Variants in ZFAT observed in about 807,000 individuals in gnomAD.
ZFAT encodes zinc finger protein ZFAT.
ZFAT carries 64 observed loss-of-function variants against 117.7 expected under a neutral mutation model. That is an observed-to-expected ratio of 0.54 (90% CI 0.44 to 0.67). ZFAT has a LOEUF of 0.67. Ranked by LOEUF, ZFAT falls within the 30% of genes least tolerant of loss-of-function variation. The probability of loss-of-function intolerance (pLI) is 0.00; values close to 1 mark genes in which losing one functional copy is unlikely to be tolerated. For synonymous variants in ZFAT, 679 were observed against 615.0 expected (o/e 1.10, Z -1.54); for missense variants, 1,433 against 1,584.5 (o/e 0.90, Z 1.62).
intron 3 of ZFAT, among the ~76,000 whole-genome samples, chr8:134,631,417 C>T (rs750875414): frequency 6.6e-6 from 1 of 152,146 alleles, no homozygotes; most frequent in Non-Finnish European, 1.5e-5. Context: ...AAACTGGTAA[C>T]GGGGCAGGAG....
At chr8:134,616,868 A>G (rs1726959314) in intron 3 of ZFAT, among the ~76,000 whole-genome samples, 1 of 152,206 alleles carries the variant, frequency 6.6e-6, no homozygotes, top group Non-Finnish European at 1.5e-5. Flanking sequence ...TGGACAATTG[A>G]TGAATCTCCC....
At chr8:134,796,437 T>C in the ZFAT span, 1 of 152,232 alleles carries the variant, frequency 6.6e-6, no homozygotes, top group Non-Finnish European at 1.5e-5. Context: ...GAACTGCTGG[T>C]TGTTGGTGGA....
At chr8:134,798,562 A>G in the ZFAT span, among the ~76,000 whole-genome samples, 3 of 152,120 alleles carry the variant, frequency 2.0e-5, no homozygotes, top group Non-Finnish European at 4.4e-5. Flanking sequence ...GCATTAATTC[A>G]AACAAGAAAA....
chr8:134,523,011 G>A (rs866654047), intron 12 of ZFAT, among the ~76,000 whole-genome samples: 3 of 152,010 alleles, frequency 2.0e-5, no homozygotes, highest in Non-Finnish European at 4.4e-5. Flanking sequence ...GTTCCCCTCC[G>A]CCTTCCAAGA....
chr8:134,686,804 C>A (rs985872745), intron 1 of ZFAT, among the ~76,000 whole-genome samples: 1 of 152,198 alleles, frequency 6.6e-6, no homozygotes, highest in African/African-American at 2.4e-5. Context: ...TTGTCAGAAG[C>A]CCAGGCCTCC....
At chr8:134,618,006 G>T (rs558892748) in intron 3 of ZFAT, among the ~76,000 whole-genome samples, 2 of 152,036 alleles carry the variant, frequency 1.3e-5, no homozygotes, top group African/African-American at 4.8e-5. Context: ...GTTCATCAGG[G>T]GTTTCCGCTT....
chr8:134,484,419 T>C (rs1193359235), intron 15 of ZFAT, among the ~76,000 whole-genome samples: 1 of 152,254 alleles, frequency 6.6e-6, no homozygotes, highest in Admixed American at 6.5e-5. Context: ...GGCCAGCTGC[T>C]GCCTGCCCTT....
chr8:134,637,597 A>G lies in ZFAT; in HGVS notation c.312T>C (p.Ala104=), dbSNP rs1292411591. The change falls in exon 3 of 16, where the codon GCT becomes GCC. Residue 104 remains alanine (A), a synonymous_variant. Coordinates refer to ENST00000377838, the MANE Select transcript of ZFAT (RefSeq NM_020863.4). Reference sequence around the variant, plus strand: ...GAGGCAGGCTGTTCCCTTCCTCCGGAGCCAGCGGGCTGTCCTCAGTCGGAC... The same window carrying G: ...GAGGCAGGCTGTTCCCTTCCTCCGGGGCCAGCGGGCTGTCCTCAGTCGGAC... ...IVSPTEDSPL[A]PEEGNSLPPS... is the part of the protein sequence containing the mutation. 1.2e-6 allele frequency: 2 copies of G among 1,614,208 alleles called. No individual in the cohort carries two copies. The highest frequency in any genetic ancestry group is 1.7e-6 in the Non-Finnish European group (2 of 1,180,048).
At chr8:134,523,598 A>G (rs184105897) in intron 12 of ZFAT, among the ~76,000 whole-genome samples, 2 of 152,338 alleles carry the variant, frequency 1.3e-5, no homozygotes, top group African/African-American at 4.8e-5. Context: ...TCTCAGAGGT[A>G]TAAACCCTTC....
At chr8:134,605,628 T>C (rs1312074702) in intron 5 of ZFAT, among the ~76,000 whole-genome samples, 2 of 151,962 alleles carry the variant, frequency 1.3e-5, no homozygotes, top group African/African-American at 2.4e-5. Flanking sequence ...ATTCCACTTA[T>C]GGGAATTTAT....
At chr8:134,556,031 A>AGAAG (rs767538738) in intron 11 of ZFAT, among the ~76,000 whole-genome samples, 9,867 of 60,270 alleles carry the variant, frequency 0.16, 1,270 homozygotes, top group Non-Finnish European at 0.2. Context: ...AGGGAGGGAG[A>AGAAG]GAAGGAAGGA....
At chr8:134,508,565 A>G (rs1479093421) in intron 15 of ZFAT, among the ~76,000 whole-genome samples, 5 of 151,988 alleles carry the variant, frequency 3.3e-5, no homozygotes, top group African/African-American at 4.8e-5. Flanking sequence ...CCCTTTACAA[A>G]ATCACCCCAA....
the ZFAT span, among the ~76,000 whole-genome samples, chr8:134,798,881 T>C: frequency 6.6e-6 from 1 of 152,086 alleles, no homozygotes; most frequent in Non-Finnish European, 1.5e-5. Context: ...CAAAAACAAA[T>C]TGATGGGCAA....
At chr8:134,714,467 A>C (rs1814171377), upstream of ZFAT, among the ~76,000 whole-genome samples, 1 of 152,014 alleles carries the variant, frequency 6.6e-6, no homozygotes, top group South Asian at 2.1e-4. Context: ...TTCTGGGGTC[A>C]CTTATTTTTT....
At chr8:134,742,220 T>A in the ZFAT span, among the ~76,000 whole-genome samples, 16 of 151,986 alleles carry the variant, frequency 1.1e-4, no homozygotes, top group African/African-American at 3.9e-4. Context: ...AACATGCAGG[T>A]TTGTTACTTA....
At chr8:134,706,409 G>A (rs1414444735) in intron 1 of ZFAT, among the ~76,000 whole-genome samples, 2 of 152,080 alleles carry the variant, frequency 1.3e-5, no homozygotes, top group Non-Finnish European at 2.9e-5. Context: ...TAGTGGTTGC[G>A]GCCGGGAGTG....
chr8:134,509,719 A>G lies in ZFAT; in HGVS notation c.3392T>C (p.Ile1131Thr), dbSNP rs1431450036. The part of the protein sequence containing the change: ...GDRLDPTAVN[I>T]LQQIIELGAE... ...GCCCAGCTCAATGATCTGCTGCAGGATGTTCACGGCCGTGGGGTCCAGTCG... is the reference window on the plus strand; with the variant it reads ...GCCCAGCTCAATGATCTGCTGCAGGGTGTTCACGGCCGTGGGGTCCAGTCG... The change falls in exon 15 of 16, where the codon ATC becomes ACC. Residue 1131 changes from isoleucine to threonine, a missense_variant. Physicochemically the swap from Ile to Thr is moderately conservative, Grantham distance 89. Around this residue, in one of 5 missense-constraint regions of ZFAT, gnomAD observed 503 missense variants for 543.4 expected, o/e 0.93. Transcript: ENST00000377838. 1 of 1,611,128 alleles carries G rather than the reference A, an allele frequency of 6.2e-7. No homozygotes were observed. The highest frequency in any genetic ancestry group is 8.5e-7 in the Non-Finnish European group (1 of 1,179,108).
At chr8:134,829,088 TGGA>T in the ZFAT span, among the ~76,000 whole-genome samples, 1 of 152,214 alleles carries the variant, frequency 6.6e-6, no homozygotes, top group African/African-American at 2.4e-5. Context: ...TAAACTACCT[TGGA>T]TGAGGTTCCT....
chr8:134,828,694 G>A, the ZFAT span, among the ~76,000 whole-genome samples: 1 of 151,886 alleles, frequency 6.6e-6, no homozygotes, highest in Non-Finnish European at 1.5e-5. Flanking sequence ...TTCTACATAA[G>A]CAAAGCAAAA....
Sources: gnomAD v4.1 joint callset for allele counts (sites outside exome capture counted in the v4.1 genomes callset) on GRCh38, gnomAD v4.1.1 for gene constraint, gnomAD v4.1.1 regional missense constraint, MANE v1.5 for transcripts, NCBI Gene and HGNC (gene_info 2026-07-23, HGNC 2026-07-21) for gene names.